Variants in SPATA4 observed in about 807,000 individuals in gnomAD.
SPATA4 encodes spermatogenesis associated 4, also known as spermatogenesis-associated protein 4.
A neutral mutation model predicts 31.8 loss-of-function variants in SPATA4; 35 were observed. That is an observed-to-expected ratio of 1.10 (90% CI 0.84 to 1.46). The LOEUF is 1.46. SPATA4 is among the 40% of genes most tolerant of loss of function. The pLI, the probability that SPATA4 is intolerant of heterozygous loss-of-function variation, is 0.00. For missense variants in SPATA4, 394 were observed against 363.1 expected, an observed-to-expected ratio of 1.09 and a Z score of -0.69; for synonymous variants, 126 against 132.4, an observed-to-expected ratio of 0.95 and a Z score of 0.33.
chr4:176,192,507 TC>T, intron 4 of SPATA4, 119 bp downstream of exon 4: 1 of 734,174 alleles, frequency 1.4e-6, no homozygotes, highest in Non-Finnish European at 2.3e-6. Context: ...AGAAGTAATT[TC>T]CCTTTAAACC....
intron 2 of SPATA4, 36 bp from the exon 3 acceptor site, chr4:176,193,112 A>C: frequency 4.5e-6 from 6 of 1,318,694 alleles, no homozygotes; most frequent in Non-Finnish European, 5.3e-6. Context: ...TTATCATAAG[A>C]ACTTTTATAA....
Position 176,195,467 on chromosome 4 carries a change from G to A in SPATA4, c.96C>T (p.Ile32=). 1 of 1,614,276 alleles carries A rather than the reference G, an allele frequency of 6.2e-7. No homozygotes were observed. Among genetic ancestry groups the A allele is most frequent in the East Asian group, 2.2e-5 (1 of 44,894 alleles). Residue 32 remains isoleucine (I), a synonymous_variant, in exon 1 of 6, where the codon ATC becomes ATT. Coordinates refer to ENST00000280191, the MANE Select transcript of SPATA4 (RefSeq NM_144644.4). The stretch of plus-strand genomic sequence containing the variant: ...CCAGACACTTCTTAGGCCTCCCTCG[G>A]ATGGGAGCTGCTAGCTGTGGCGAAA... ...PSLSPQLAAP[I]RGRPKKCLVY... is the part of the protein sequence containing the mutation.
chr4:176,193,107 A>C (rs1227506702), intron 2 of SPATA4, 31 bp from the exon 3 acceptor site: 11 of 1,360,216 alleles, frequency 8.1e-6, no homozygotes, highest in Non-Finnish European at 1.1e-5. Context: ...TGTTTTTATC[A>C]TAAGAACTTT....
chr4:176,193,853 A>T (rs769559338), intron 1 of SPATA4: 20 of 235,910 alleles, frequency 8.5e-5, no homozygotes, highest in Admixed American at 2.2e-4. Context: ...ATGCACTTTA[A>T]AATTTCAGAG....
chr4:176,187,540 G>GT (rs1752464990), intron 5 of SPATA4, among the ~76,000 whole-genome samples: 1 of 151,698 alleles, frequency 6.6e-6, no homozygotes, highest in Admixed American at 6.6e-5. Context: ...GGAGGTGGAA[G>GT]TTGCAGTGAG....
chr4:176,188,815 G>A (rs1416239906), intron 4 of SPATA4, among the ~76,000 whole-genome samples: 1 of 151,994 alleles, frequency 6.6e-6, no homozygotes, highest in Non-Finnish European at 1.5e-5. Flanking sequence ...ATTTCCTTGT[G>A]CTTCTAAAGA....
chr4:176,188,004 G>A, intron 5 of SPATA4, 115 bp downstream of exon 5: 1 of 751,768 alleles, frequency 1.3e-6, no homozygotes, highest in Non-Finnish European at 2.3e-6. Context: ...GGCAGTGTAG[G>A]ACTGAATGTT....
In SPATA4 at chr4:176,192,706, C is replaced by A; in HGVS notation, c.609G>T (p.Met203Ile). 1 of 1,614,074 alleles carries A rather than the reference C, an allele frequency of 6.2e-7. No individual in the cohort carries two copies. The highest frequency in any genetic ancestry group is 8.5e-7 in the Non-Finnish European group (1 of 1,179,990). The change falls in exon 4 of 6, where the codon ATG (methionine) becomes ATT (isoleucine). Residue 203 changes from methionine (M) to isoleucine (I), a missense_variant. Coordinates refer to ENST00000280191, the MANE Select transcript of SPATA4 (RefSeq NM_144644.4). ...ACTCCGCTTTAAGTTCATTGGTCAGCATGTTGGGATTGCTTAGTAATTCTG... is the reference window on the plus strand; with the variant it reads ...ACTCCGCTTTAAGTTCATTGGTCAGAATGTTGGGATTGCTTAGTAATTCTG... The part of the protein sequence containing the change: ...RLSELLSNPN[M>I]LTNELKAEFL...
intron 4 of SPATA4, among the ~76,000 whole-genome samples, chr4:176,188,957 C>T (rs985024247): frequency 7.9e-5 from 12 of 152,158 alleles, no homozygotes; most frequent in Non-Finnish European, 1.5e-4. Flanking sequence ...CTATAGTTAT[C>T]ACAATTAATT....
intron 4 of SPATA4, 112 bp from the exon 5 acceptor site, chr4:176,188,347 A>G (rs1020804107): frequency 2.9e-6 from 2 of 697,010 alleles, no homozygotes; most frequent in Non-Finnish European, 4.8e-6. Flanking sequence ...TGTTTATCAT[A>G]TTCCTGAGTA....
rs1260155093 is a variant in SPATA4 at position 176,195,393 on chromosome 4, CG to C, written c.169del (p.Arg57ValfsTer24). The C allele has an allele frequency of 6.2e-7, 1 of 1,614,086 alleles. No homozygotes were observed. Among genetic ancestry groups the C allele is most frequent in the Non-Finnish European group, 8.5e-7 (1 of 1,180,042 alleles). On this transcript the variant is annotated frameshift_variant, in exon 1 of 6. Coordinates refer to ENST00000280191, the MANE Select transcript of SPATA4 (RefSeq NM_144644.4). LOFTEE classifies it high-confidence loss of function. ...KSSRLSRSVL[R>X]WLQGLDLSFF... ...GCTGAGATCCAGACCCTGAAGCCAACGCAGAACGGAACGAGACAAGCGGGAG... is the reference window on the plus strand; with the variant it reads ...GCTGAGATCCAGACCCTGAAGCCAACCAGAACGGAACGAGACAAGCGGGAG...
Position 176,193,537 on chromosome 4 carries a change from A to G in SPATA4, c.264T>C (p.Tyr88=). The G allele has an allele frequency of 6.2e-7, 1 of 1,613,164 alleles. No homozygotes were observed. The highest frequency in any genetic ancestry group is 8.5e-7 in the Non-Finnish European group (1 of 1,179,830). The change falls in exon 2 of 6, where the codon TAT becomes TAC. Residue 88 remains tyrosine, a synonymous_variant. Transcript: ENST00000280191. ...GFLIAEIFCI[Y]YPWELELSSF... ...ATGATAATTCAAGTTCCCAGGGGTA[A>G]TATATACAGAATATTTCTGCAATTA...
At chr4:176,195,585 CA>C, upstream of SPATA4, 2 of 1,611,002 alleles carry the variant, frequency 1.2e-6, no homozygotes, top group Non-Finnish European at 1.7e-6. Context: ...GTTGCTGCGG[CA>C]ACAGCAGAAG....
In SPATA4 at chr4:176,184,767, T is replaced by C. The variant is rs539827715; in HGVS notation, c.*13A>G. 45 of 1,542,514 alleles carry C rather than the reference T, an allele frequency of 2.9e-5. No homozygotes were observed. In the African/African-American group the frequency reaches 5.5e-4, roughly 19 times the overall value. On this transcript the variant is annotated 3_prime_UTR_variant, in exon 6 of 6. Coordinates refer to ENST00000280191, the MANE Select transcript of SPATA4 (RefSeq NM_144644.4). ...GTGGCATCACTTCTTCAAAGCCATT[T>C]GACAGGTGCTTTTCAAGGTTTCTTG...
intron 1 of SPATA4, among the ~76,000 whole-genome samples, chr4:176,195,139 T>A (rs1171718530): frequency 1.3e-5 from 2 of 152,216 alleles, no homozygotes; most frequent in African/African-American, 2.4e-5. Flanking sequence ...AATTTAATGA[T>A]TGGTTGATTA....
chr4:176,186,024 A>G (rs538539126), intron 5 of SPATA4, among the ~76,000 whole-genome samples: 1 of 152,342 alleles, frequency 6.6e-6, no homozygotes, highest in African/African-American at 2.4e-5. Flanking sequence ...CATTATTAAA[A>G]TTGTAAAAGC....
intron 4 of SPATA4, among the ~76,000 whole-genome samples, chr4:176,192,272 A>G (rs1752543212): frequency 6.6e-6 from 1 of 152,226 alleles, no homozygotes; most frequent in Non-Finnish European, 1.5e-5. Flanking sequence ...AGTGAATCAT[A>G]GTAATCCAGG....
intron 4 of SPATA4, among the ~76,000 whole-genome samples, chr4:176,189,293 A>G (rs1304693915): frequency 6.6e-6 from 1 of 152,172 alleles, no homozygotes; most frequent in East Asian, 1.9e-4. Context: ...GAGAGTAAAG[A>G]TTAATTTTAG....
At chr4:176,191,560 AG>A (rs1432243159) in intron 4 of SPATA4, among the ~76,000 whole-genome samples, 1 of 152,214 alleles carries the variant, frequency 6.6e-6, no homozygotes, top group Non-Finnish European at 1.5e-5. Flanking sequence ...TTTCATCGTT[AG>A]TCATCTTCTT....
Sources: gnomAD v4.1 joint callset for allele counts (sites outside exome capture counted in the v4.1 genomes callset) on GRCh38, gnomAD v4.1.1 for gene constraint, MANE v1.5 for transcripts, NCBI Gene and HGNC (gene_info 2026-07-23, HGNC 2026-07-21) for gene names.